Variants in FHIT observed in about 807,000 individuals in gnomAD.
FHIT encodes the protein bis(5'-adenosyl)-triphosphatase.
FHIT carries 19 observed loss-of-function variants against 17.9 expected under a neutral mutation model. That is an observed-to-expected ratio of 1.06 (90% CI 0.74 to 1.56). FHIT has a LOEUF of 1.56. Among genes scored for constraint, FHIT ranks in the 40% most tolerant of loss-of-function variants. The probability of loss-of-function intolerance (pLI) is 0.00; values close to 1 mark genes in which losing one functional copy is unlikely to be tolerated. For synonymous variants in FHIT, 81 were observed against 69.7 expected, an observed-to-expected ratio of 1.16 and a Z score of -0.81; for missense variants, 248 against 189.2, an observed-to-expected ratio of 1.31 and a Z score of -1.82.
intron 5 of FHIT, among the ~76,000 whole-genome samples, chr3:60,169,112 T>C (rs1701308332): frequency 6.6e-6 from 1 of 152,224 alleles, no homozygotes; most frequent in Admixed American, 6.5e-5. Flanking sequence ...CAGCACATGC[T>C]ATCAGCTAGA....
intron 3 of FHIT, among the ~76,000 whole-genome samples, chr3:60,855,765 G>C (rs1012923662): frequency 1.3e-5 from 2 of 152,052 alleles, no homozygotes; most frequent in Non-Finnish European, 2.9e-5. Context: ...TAAAGTTCTA[G>C]TGTTCTGTAG....
intron 5 of FHIT, among the ~76,000 whole-genome samples, chr3:60,081,155 G>A (rs142929280): frequency 4.9e-4 from 74 of 152,246 alleles, no homozygotes; most frequent in Non-Finnish European, 9.4e-4. Flanking sequence ...GTTCCCATTA[G>A]AATCACCTGA....
chr3:60,648,760 C>T lies in FHIT; in HGVS notation c.-17-111781G>A, dbSNP rs568523733. Among the ~76,000 whole-genome samples the T allele has an allele frequency of 2.6e-5, 4 of 152,332 alleles. No homozygotes were observed. In the South Asian group the frequency reaches 6.2e-4, roughly 24 times the overall value. On this transcript the variant is annotated intron_variant, in intron 4 of 9. Transcript: ENST00000492590. ...AAAAAGGAGCGAGTCAGAACTCCCA[C>T]TGACAGCTCCCAAATCTGGCCCTTC...
chr3:60,921,531 C>T (rs1707278679), intron 3 of FHIT, among the ~76,000 whole-genome samples: 1 of 152,158 alleles, frequency 6.6e-6, no homozygotes, highest in Admixed American at 6.5e-5. Flanking sequence ...AAATGAACTA[C>T]ATGTAAATAT....
chr3:60,608,247 A>G (rs2038671602), intron 4 of FHIT, among the ~76,000 whole-genome samples: 1 of 152,246 alleles, frequency 6.6e-6, no homozygotes, highest in Non-Finnish European at 1.5e-5. Context: ...CTCTGAAGGT[A>G]ACATCCCAGC....
At chr3:59,974,711 A>C (rs1478069030) in intron 7 of FHIT, among the ~76,000 whole-genome samples, 2 of 152,138 alleles carry the variant, frequency 1.3e-5, no homozygotes, top group African/African-American at 4.8e-5. Flanking sequence ...ATAAATGTTA[A>C]ATCACAAAAC....
intron 4 of FHIT, among the ~76,000 whole-genome samples, chr3:60,613,519 G>A (rs968507856): frequency 2.6e-5 from 4 of 152,094 alleles, no homozygotes; most frequent in African/African-American, 9.7e-5. Flanking sequence ...AGTACCTTTT[G>A]CATGGAGCCT....
At chr3:60,944,283 T>C (rs797043876) in intron 3 of FHIT, among the ~76,000 whole-genome samples, 6 of 152,290 alleles carry the variant, frequency 3.9e-5, no homozygotes, top group African/African-American at 1.4e-4. Flanking sequence ...AGAATCTAAA[T>C]GACAACCTGA....
intron 5 of FHIT, among the ~76,000 whole-genome samples, chr3:60,150,976 A>C (rs1266904492): frequency 6.6e-6 from 1 of 152,102 alleles, no homozygotes; most frequent in African/African-American, 2.4e-5. Flanking sequence ...TTTACTTCAC[A>C]ATGGAATTAA....
chr3:60,453,975 A>G (rs1230636884), intron 5 of FHIT, among the ~76,000 whole-genome samples: 5 of 152,112 alleles, frequency 3.3e-5, no homozygotes, highest in Non-Finnish European at 7.4e-5. Context: ...AGAAAAAAAA[A>G]TAACCTAAGC....
chr3:61,114,674 C>T (rs951208388), intron 2 of FHIT, among the ~76,000 whole-genome samples: 1 of 152,114 alleles, frequency 6.6e-6, no homozygotes, highest in Non-Finnish European at 1.5e-5. Context: ...GGAAATATGA[C>T]CTTTGACCCT....
intron 5 of FHIT, among the ~76,000 whole-genome samples, chr3:60,413,438 T>C (rs1035999446): frequency 2.0e-5 from 3 of 151,944 alleles, no homozygotes; most frequent in Non-Finnish European, 4.4e-5. Flanking sequence ...AACATAGGAG[T>C]TACTTGGCCA....
At chr3:60,739,123 C>A (rs1160359748) in intron 4 of FHIT, among the ~76,000 whole-genome samples, 2 of 152,186 alleles carry the variant, frequency 1.3e-5, no homozygotes, top group Non-Finnish European at 2.9e-5. Context: ...CATCCCCCAG[C>A]CAGCTCCCCA....
intron 4 of FHIT, among the ~76,000 whole-genome samples, chr3:60,711,684 G>C (rs954798821): frequency 1.3e-5 from 2 of 152,174 alleles, no homozygotes; most frequent in Non-Finnish European, 2.9e-5. Context: ...AGTGATGGAA[G>C]ATGAAATGAA....
chr3:60,068,238 A>C lies in FHIT; in HGVS notation c.104-54086T>G, dbSNP rs528759673. 9.5e-4 allele frequency among the ~76,000 whole-genome samples: 144 copies of C among 152,280 alleles called. 1 individual carries two copies. The highest frequency in any genetic ancestry group is 3.2e-3 in the African/African-American group (135 of 41,554). ...CAACAGAGCGAGACTCTGCCTCAAA[A>C]AAAACAAAACAAAACAAAACAAAAA... On this transcript the variant is annotated intron_variant, in intron 5 of 9. Transcript: ENST00000492590.
At chr3:60,874,727 T>G (rs909651113) in intron 3 of FHIT, among the ~76,000 whole-genome samples, 1 of 152,132 alleles carries the variant, frequency 6.6e-6, no homozygotes, top group Non-Finnish European at 1.5e-5. Context: ...AGTCTCAACC[T>G]ATCCTCTTCT....
intron 3 of FHIT, among the ~76,000 whole-genome samples, chr3:60,900,874 T>G (rs1706082042): frequency 6.6e-6 from 1 of 152,146 alleles, no homozygotes; most frequent in Non-Finnish European, 1.5e-5. Flanking sequence ...ACCTCCTGGG[T>G]TCAAGTGATT....
chr3:60,441,798 A>ATGTGTGTGTGTGTG lies in FHIT; in HGVS notation c.103+95061_103+95062insCACACACACACACA, dbSNP rs1559916451. Among the ~76,000 whole-genome samples, 251 of 65,568 alleles carry ATGTGTGTGTGTGTG rather than the reference A, an allele frequency of 3.8e-3. 5 individuals are homozygous for ATGTGTGTGTGTGTG. Among genetic ancestry groups the ATGTGTGTGTGTGTG allele is most frequent in the African/African-American group, 0.01 (242 of 23,398 alleles). The allele number at this position is 65,568 out of a possible 152,430, so 43.0% of individuals were successfully genotyped here. On this transcript the variant is annotated intron_variant, in intron 5 of 9. Transcript: ENST00000492590. ...TATGTATAAAAATATATATATATAT[A>ATGTGTGTGTGTGTG]TATATATATATATATATCAGGTCAT...
At chr3:59,975,087 CAG>C (rs1559512226) in intron 7 of FHIT, among the ~76,000 whole-genome samples, 1 of 152,026 alleles carries the variant, frequency 6.6e-6, no homozygotes, top group Admixed American at 6.6e-5. Flanking sequence ...ACTAAGAAGA[CAG>C]AGATTTTTAT....
Sources: allele counts gnomAD v4.1 joint callset (sites outside exome capture counted in the v4.1 genomes callset), GRCh38; gene constraint gnomAD v4.1.1; transcripts MANE v1.5; gene names NCBI Gene and HGNC (gene_info 2026-07-23, HGNC 2026-07-21).